The following TBC1D22A variants were observed in gnomAD, a reference collection of about 807,000 sequenced individuals.
TBC1D22A encodes the protein putative GTPase activator.
In TBC1D22A, 38 loss-of-function variants were observed where a neutral mutation model predicts 60.2. That is an observed-to-expected ratio of 0.63 (90% CI 0.49 to 0.83). The LOEUF (loss-of-function observed/expected upper bound fraction) is 0.83, where lower values mean the gene tolerates loss of function less well. Ranked by LOEUF, TBC1D22A falls within the 40% of genes least tolerant of loss-of-function variation. The probability of loss-of-function intolerance (pLI) is 0.00; values close to 1 mark genes in which losing one functional copy is unlikely to be tolerated. For synonymous variants in TBC1D22A, 302 were observed against 281.7 expected (o/e 1.07, Z -0.72); for missense variants, 628 against 701.0 (o/e 0.90, Z 1.18).
intron 1 of TBC1D22A, among the ~76,000 whole-genome samples, chr22:46,771,783 T>A (rs180708071): frequency 6.6e-6 from 1 of 152,012 alleles, no homozygotes; most frequent in Non-Finnish European, 1.5e-5. Flanking sequence ...TTAGTAGAGA[T>A]GGGGTTTCAC....
chr22:46,944,080 T>C (rs2072353565), intron 8 of TBC1D22A, among the ~76,000 whole-genome samples: 1 of 152,218 alleles, frequency 6.6e-6, no homozygotes, highest in Admixed American at 6.5e-5. Context: ...GAATTGCTGG[T>C]TCATATGGGA....
At chr22:46,996,685 C>T (rs9627640) in intron 9 of TBC1D22A, among the ~76,000 whole-genome samples, 1,542 of 152,308 alleles carry the variant, frequency 0.01, 30 homozygotes, top group African/African-American at 0.035. Flanking sequence ...CCCCGACCAC[C>T]GGCTGAGGCC....
At chr22:46,904,150 C>CCTACCTAT (rs1569199893) in intron 7 of TBC1D22A, among the ~76,000 whole-genome samples, 5 of 74,948 alleles carry the variant, frequency 6.7e-5, no homozygotes, top group Admixed American at 1.4e-4. Flanking sequence ...TATCTACCTA[C>CCTACCTAT]CTACCTACCT....
At chr22:47,084,721 A>G (rs2064608532) in intron 11 of TBC1D22A, among the ~76,000 whole-genome samples, 1 of 152,250 alleles carries the variant, frequency 6.6e-6, no homozygotes, top group Non-Finnish European at 1.5e-5. Flanking sequence ...ATGTATGAAA[A>G]GTCCCTGATG....
intron 4 of TBC1D22A, among the ~76,000 whole-genome samples, chr22:46,876,749 G>A (rs533031227): frequency 6.6e-6 from 1 of 152,186 alleles, no homozygotes; most frequent in Admixed American, 6.5e-5. Flanking sequence ...CTAGCTCTGC[G>A]GGGCTCCAAC....
chr22:46,818,047 A>G (rs1247797863), intron 4 of TBC1D22A, among the ~76,000 whole-genome samples: 1 of 152,174 alleles, frequency 6.6e-6, no homozygotes, highest in Non-Finnish European at 1.5e-5. Context: ...GGCCGCATAA[A>G]TGTCTTCTTT....
intron 1 of TBC1D22A, among the ~76,000 whole-genome samples, chr22:46,778,014 A>G (rs1414233680): frequency 6.6e-6 from 1 of 152,230 alleles, no homozygotes; most frequent in Non-Finnish European, 1.5e-5. Flanking sequence ...TTGTCACACA[A>G]TGGTTGGTAT....
At chr22:46,893,003 G>A (rs944788473) in intron 6 of TBC1D22A, among the ~76,000 whole-genome samples, 6 of 152,216 alleles carry the variant, frequency 3.9e-5, no homozygotes, top group Admixed American at 1.3e-4. Flanking sequence ...AGCTGGGCCC[G>A]GTGGGGGTTT....
chr22:46,771,593 T>A (rs1040742994), intron 1 of TBC1D22A, among the ~76,000 whole-genome samples: 3 of 151,720 alleles, frequency 2.0e-5, no homozygotes, highest in African/African-American at 7.3e-5. Flanking sequence ...TAGGTCCTAC[T>A]TACTATTTTT....
At chr22:46,849,367 T>G (rs544192883) in intron 4 of TBC1D22A, among the ~76,000 whole-genome samples, 126 of 152,304 alleles carry the variant, frequency 8.3e-4, no homozygotes, top group Non-Finnish European at 1.5e-3. Flanking sequence ...CTCTCAGTGT[T>G]TCTCTGTGAA....
intron 11 of TBC1D22A, among the ~76,000 whole-genome samples, chr22:47,102,685 A>G (rs948500789): frequency 2.0e-5 from 3 of 152,106 alleles, no homozygotes; most frequent in East Asian, 1.9e-4. Context: ...GCCCTCTCCT[A>G]AGTTCTGCTC....
intron 11 of TBC1D22A, among the ~76,000 whole-genome samples, chr22:47,086,469 A>C (rs1446260529): frequency 6.6e-6 from 1 of 152,170 alleles, no homozygotes; most frequent in African/African-American, 2.4e-5. Flanking sequence ...CAAACAAACA[A>C]ACAAACAAAC....
chr22:47,078,171 T>C (rs1204565185), intron 11 of TBC1D22A, among the ~76,000 whole-genome samples: 1 of 152,162 alleles, frequency 6.6e-6, no homozygotes, highest in East Asian at 1.9e-4. Context: ...GTTTTGTGGA[T>C]GAGCAGGCTA....
chr22:46,974,351 C>T lies in TBC1D22A; in HGVS notation c.1077C>T (p.Ile359=), dbSNP rs1468061528. 1.2e-5 allele frequency: 19 copies of T among 1,611,122 alleles called. No homozygotes were observed. The highest frequency in any genetic ancestry group is 3.4e-5 in the Admixed American group (2 of 59,668). ...SGVPAEVLCN[I]EADTYWCMSK... ...TGCCCGCAGAGGTGCTGTGCAACAT[C>T]GAGGCCGACACCTACTGGTGCATGA... The change falls in exon 9 of 13, where the codon ATC becomes ATT. Residue 359 remains isoleucine (I), a synonymous_variant. Transcript: ENST00000337137.
rs912051854 is a variant in TBC1D22A at position 47,096,802 on chromosome 22, G to A, written c.1330-14706G>A. Among the ~76,000 whole-genome samples the A allele has an allele frequency of 9.9e-5, 15 of 152,120 alleles. No individual in the cohort carries two copies. In the South Asian group the frequency reaches 1.0e-3, roughly 11 times the overall value. ...GTGCCACAGCACTCCAGCCTGGGTG[G>A]CAGAGCGAGACTCTGTCTCAAAAAA... On this transcript the variant is annotated intron_variant, in intron 11 of 12. Transcript: ENST00000337137.
At chr22:46,843,590 G>A (rs115721685) in intron 4 of TBC1D22A, among the ~76,000 whole-genome samples, 1 of 152,136 alleles carries the variant, frequency 6.6e-6, no homozygotes, top group African/African-American at 2.4e-5. Context: ...GGCTGGGAGT[G>A]GGTATCACGC....
chr22:47,088,522 G>A (rs1181085379), intron 11 of TBC1D22A, among the ~76,000 whole-genome samples: 1 of 152,198 alleles, frequency 6.6e-6, no homozygotes, highest in Non-Finnish European at 1.5e-5. Context: ...TAGTTCACCC[G>A]TGAAGGTTGC....
intron 12 of TBC1D22A, among the ~76,000 whole-genome samples, chr22:47,113,942 A>G (rs1453027361): frequency 6.6e-6 from 1 of 152,116 alleles, no homozygotes; most frequent in Admixed American, 6.5e-5. Context: ...CCACCCTGTC[A>G]TGTGGTGGTC....
intron 12 of TBC1D22A, among the ~76,000 whole-genome samples, chr22:47,135,024 C>T (rs954635896): frequency 1.3e-5 from 2 of 152,244 alleles, no homozygotes; most frequent in East Asian, 1.9e-4. Context: ...CCAGCCTCAT[C>T]GGGACCCCTC....
Sources: allele counts gnomAD v4.1 joint callset (sites outside exome capture counted in the v4.1 genomes callset), GRCh38; gene constraint gnomAD v4.1.1; transcripts MANE v1.5; gene names NCBI Gene and HGNC (gene_info 2026-07-23, HGNC 2026-07-21).